MYT1: variants seen among roughly 807,000 people sequenced by gnomAD.
MYT1 encodes the protein myelin transcription factor I.
A neutral mutation model predicts 123.0 loss-of-function variants in MYT1; 23 were observed. The observed-to-expected ratio is 0.19, with a 90% confidence interval of 0.13 to 0.26. The LOEUF (loss-of-function observed/expected upper bound fraction) is 0.26. Ranked by LOEUF, MYT1 falls within the 10% of genes least tolerant of loss-of-function variation. The pLI is 1.00. For missense variants in MYT1, 1,125 were observed against 1,472.5 expected, an observed-to-expected ratio of 0.76 and a Z score of 3.86; for synonymous variants, 518 against 575.3, an observed-to-expected ratio of 0.90 and a Z score of 1.43.
chr20:64,199,092 G>A (rs1390972901), intron 3 of MYT1, among the ~76,000 whole-genome samples, 176 bp downstream of exon 3: 1 of 152,242 alleles, frequency 6.6e-6, no homozygotes, highest in Non-Finnish European at 1.5e-5. Flanking sequence ...TAAGAGGGCT[G>A]CTGAGGGGCC....
intron 16 of MYT1, among the ~76,000 whole-genome samples, chr20:64,223,922 T>C (rs1167897954): frequency 6.6e-6 from 1 of 152,184 alleles, no homozygotes; most frequent in Non-Finnish European, 1.5e-5. Context: ...CCGTTTCTGC[T>C]TCTGTACCTC....
chr20:64,199,007 C>A, intron 3 of MYT1, 91 bp downstream of exon 3: 1 of 1,363,432 alleles, frequency 7.3e-7, no homozygotes, highest in Non-Finnish European at 1.0e-6. Context: ...CACACATGTG[C>A]AGAGATGCCC....
At chr20:64,197,744 C>T (rs915788919) in intron 2 of MYT1, among the ~76,000 whole-genome samples, 2 of 152,244 alleles carry the variant, frequency 1.3e-5, no homozygotes, top group African/African-American at 4.8e-5. Context: ...GTGACCCTCA[C>T]CACTGCCCCA....
intron 15 of MYT1, 51 bp from the exon 16 acceptor site, chr20:64,223,240 C>T (rs375073938): frequency 1.1e-5 from 17 of 1,612,956 alleles, no homozygotes; most frequent in Admixed American, 5.0e-5. Context: ...TCTCCTCCTC[C>T]TCTGCTCTCC....
At chr20:64,224,589 A>T (rs1359722944) in intron 16 of MYT1, among the ~76,000 whole-genome samples, 1 of 152,206 alleles carries the variant, frequency 6.6e-6, no homozygotes, top group Non-Finnish European at 1.5e-5. Flanking sequence ...GGCTGAGATC[A>T]CCACAGCAGC....
rs1982971407 is a variant in MYT1 at position 64,191,549 on chromosome 20, G to T, written c.-1+1389G>T. 1 of 152,264 alleles carries T rather than the reference G, an allele frequency of 6.6e-6. No homozygotes were observed. The highest frequency in any genetic ancestry group is 2.1e-4 in the South Asian group (1 of 4,836). 9.4% of individuals were successfully genotyped at this position (152,264 alleles called of 1,614,324 possible). A position where few individuals can be genotyped will look rare whatever the true frequency, so the allele number is the denominator to read the frequency against. ...TGGCTCAAGGACAGTGATGGCGTAGGGTGTAGGCAAGGAGGGCTATGCAGT... is the reference window on the plus strand; with the variant it reads ...TGGCTCAAGGACAGTGATGGCGTAGTGTGTAGGCAAGGAGGGCTATGCAGT... On this transcript the variant is annotated intron_variant, in intron 2 of 22. Transcript: ENST00000328439. This position sits in a 1 kb window ranked among gnomAD's most constrained non-coding sequence, Gnocchi z 4.1.
chr20:64,221,028 G>C (rs914753183), intron 13 of MYT1, among the ~76,000 whole-genome samples: 3 of 152,198 alleles, frequency 2.0e-5, no homozygotes, highest in Admixed American at 1.3e-4. Context: ...TAGACGAGCA[G>C]CCTGGGAACC....
chr20:64,195,109 C>T (rs1397152070), intron 2 of MYT1, among the ~76,000 whole-genome samples: 1 of 151,936 alleles, frequency 6.6e-6, no homozygotes, highest in Non-Finnish European at 1.5e-5. Flanking sequence ...CTGCCTCGGC[C>T]TCCCAAAGTG....
intron 21 of MYT1, among the ~76,000 whole-genome samples, chr20:64,239,513 G>A (rs1280488253): frequency 2.6e-5 from 4 of 152,206 alleles, no homozygotes; most frequent in South Asian, 2.1e-4. Flanking sequence ...ACAGAGGGAC[G>A]TGCCACACGA....
chr20:64,206,277 T>C (rs559991246), intron 6 of MYT1, among the ~76,000 whole-genome samples: 37 of 152,182 alleles, frequency 2.4e-4, no homozygotes, highest in African/African-American at 8.9e-4. Flanking sequence ...ACACCTCAGG[T>C]TGAGCTTCAG....
rs927751103 is a variant in MYT1 at position 64,185,313 on chromosome 20, T to C, written c.-98-4750T>C. Among the ~76,000 whole-genome samples, 23 of 152,136 alleles carry C rather than the reference T, an allele frequency of 1.5e-4. No individual in the cohort carries two copies. The highest frequency in any genetic ancestry group is 3.1e-4 in the Non-Finnish European group (21 of 68,012). ...GGAGGCAAGACCCCATCTCCTGTGC[T>C]GGAGACGGAGGAGGGCTGAGGGGGT... On this transcript the variant is annotated intron_variant, in intron 1 of 22. Coordinates refer to ENST00000328439, the MANE Select transcript of MYT1 (RefSeq NM_004535.3). This position sits in a 1 kb window ranked among gnomAD's most constrained non-coding sequence, Gnocchi z 4.5.
intron 6 of MYT1, 22 bp from the exon 7 acceptor site, chr20:64,207,572 C>G (rs370606910): frequency 6.2e-7 from 1 of 1,602,630 alleles, no homozygotes; most frequent in African/African-American, 1.3e-5. Context: ...CTGGCCCCCA[C>G]GTTGATTTTG....
At position 64,217,383 on chromosome 20, in the gene MYT1, G is replaced by A. The variant is rs1983870119; in HGVS notation, c.1846+102G>A. The A allele has an allele frequency of 1.0e-5, 13 of 1,267,414 alleles. No individual in the cohort carries two copies. In the Admixed American group the frequency reaches 2.5e-4, roughly 25 times the overall value. The allele number at this position is 1,267,414 out of a possible 1,614,324, so 78.5% of individuals were successfully genotyped here. A position where few individuals can be genotyped will look rare whatever the true frequency, so the allele number is the denominator to read the frequency against. On this transcript the variant is annotated intron_variant, in intron 11 of 22. Coordinates refer to ENST00000328439, the MANE Select transcript of MYT1 (RefSeq NM_004535.3). The stretch of plus-strand genomic sequence containing the variant: ...AGGGACCCTCTCGAGGAGCTACTAG[G>A]GAGGGAAACTCTACCCTCATGGGAG...
Position 64,240,587 on chromosome 20 carries a change from A to G in MYT1, c.*139A>G, listed in dbSNP as rs561070054. On this transcript the variant is annotated 3_prime_UTR_variant, in exon 23 of 23. Transcript: ENST00000328439. ...GCCGCGGGCGGGTTTATCCAAAGGG[A>G]TGGCTGGAAATTGGCCGCTCCCACG... 1.0e-4 allele frequency: 131 copies of G among 1,278,972 alleles called. 1 individual carries two copies. The South Asian group carries it at 1.6e-3, about 15-fold the overall frequency. The allele number at this position is 1,278,972 out of a possible 1,614,324, so 79.2% of individuals were successfully genotyped here.
At chr20:64,220,438 G>C (rs531867291) in intron 13 of MYT1, among the ~76,000 whole-genome samples, 1 of 152,322 alleles carries the variant, frequency 6.6e-6, no homozygotes, top group South Asian at 2.1e-4. Flanking sequence ...GCTTAGGATC[G>C]CCCATGGTGG....
chr20:64,240,412 G>T lies in MYT1; in HGVS notation c.3330G>T (p.Glu1110Asp). Reference sequence around the variant, plus strand: ...ACCCGGAGAACAAGGACCTCCTGGAGAGCATCAAGCAGGCTGTGAGGGGCA... The same window carrying T: ...ACCCGGAGAACAAGGACCTCCTGGATAGCATCAAGCAGGCTGTGAGGGGCA... ...NQDPENKDLL[E>D]SIKQAVRGIQ... Residue 1110 changes from glutamate to aspartate, a missense_variant, in exon 23 of 23, where the codon GAG becomes GAT. Physicochemically the swap from Glu to Asp is conservative, Grantham distance 45. Coordinates refer to ENST00000328439, the MANE Select transcript of MYT1 (RefSeq NM_004535.3). 6.2e-7 allele frequency: 1 copy of T among 1,613,890 alleles called. No individual in the cohort carries two copies. Among genetic ancestry groups the T allele is most frequent in the Middle Eastern group, 1.7e-4 (1 of 5,982 alleles).
intron 12 of MYT1, 152 bp downstream of exon 12, chr20:64,219,187 G>T (rs2145723864): frequency 1.8e-6 from 2 of 1,112,040 alleles, no homozygotes; most frequent in East Asian, 5.2e-5. Flanking sequence ...TCCTGGCCAT[G>T]GCCCCAAGGA....
At chr20:64,240,221 AG>A in intron 22 of MYT1, 98 bp from the exon 23 acceptor site, 1 of 1,522,120 alleles carries the variant, frequency 6.6e-7, no homozygotes, top group Non-Finnish European at 8.9e-7. Flanking sequence ...GGCTTGTCTC[AG>A]GTCACGTGGG....
At chr20:64,226,112 T>G (rs578113894) in intron 16 of MYT1, among the ~76,000 whole-genome samples, 1 of 152,230 alleles carries the variant, frequency 6.6e-6, no homozygotes, top group Admixed American at 6.5e-5. Flanking sequence ...GAGCCCCAAG[T>G]GGCCACTTGA....
Sources: gnomAD v4.1 joint callset for allele counts (sites outside exome capture counted in the v4.1 genomes callset) on GRCh38, gnomAD v4.1.1 for gene constraint, Gnocchi (gnomAD v3.1) non-coding constraint, MANE v1.5 for transcripts, NCBI Gene and HGNC (gene_info 2026-07-23, HGNC 2026-07-21) for gene names.